HEXB: variants seen among roughly 807,000 people sequenced by gnomAD.
HEXB encodes hexosaminidase subunit beta.
HEXB carries 51 observed loss-of-function variants against 71.2 expected under a neutral mutation model. The ratio of observed to expected loss-of-function variants is 0.72; its 90% CI spans 0.57 to 0.90. The LOEUF is 0.90. Among genes scored for constraint, HEXB ranks in the 40% least tolerant of loss-of-function variants. HEXB has a pLI of 0.00. For synonymous variants in HEXB, 266 were observed against 249.3 expected (o/e 1.07, Z -0.63); for missense variants, 617 against 677.0 (o/e 0.91, Z 0.98).
intron 1 of HEXB, among the ~76,000 whole-genome samples, chr5:74,649,714 G>T (rs1484265084): frequency 6.6e-6 from 1 of 152,146 alleles, no homozygotes; most frequent in East Asian, 1.9e-4. Flanking sequence ...GACTAAAATG[G>T]TATAGTTGTG....
At chr5:74,664,063 C>G (rs1008271433) in intron 1 of HEXB, among the ~76,000 whole-genome samples, 4 of 152,188 alleles carry the variant, frequency 2.6e-5, no homozygotes, top group Middle Eastern at 3.4e-3. Context: ...TGTGACCAGG[C>G]TGACTAACAT....
In HEXB at chr5:74,686,627, A is replaced by G. The variant is rs565705626; in HGVS notation, c.299+1068A>G. ...TGGCAGAAATGGTTCATTCTCTACA[A>G]TCAGAAGGCTCATGGTTTCCTTCTG... is the stretch of plus-strand genomic sequence containing the variant. On this transcript the variant is annotated intron_variant, in intron 1 of 13. Coordinates refer to ENST00000261416, the MANE Select transcript of HEXB (RefSeq NM_000521.4). 2.0e-5 allele frequency among the ~76,000 whole-genome samples: 3 copies of G among 152,328 alleles called. No individual in the cohort carries two copies. In the South Asian group the frequency reaches 6.2e-4, roughly 32 times the overall value.
chr5:74,674,553 G>A (rs1748596682), intron 1 of HEXB, among the ~76,000 whole-genome samples: 1 of 146,874 alleles, frequency 6.8e-6, no homozygotes, highest in East Asian at 2.0e-4. Context: ...GCAGTGAGCT[G>A]AGATTGCGCC....
At chr5:74,717,958 C>T (rs958981269) in intron 9 of HEXB, among the ~76,000 whole-genome samples, 16 of 152,258 alleles carry the variant, frequency 1.1e-4, no homozygotes, top group African/African-American at 3.6e-4. Flanking sequence ...TTTAAGACAG[C>T]CATAAAATTG....
chr5:74,666,220 T>A (rs552658347), intron 1 of HEXB, among the ~76,000 whole-genome samples: 41 of 152,338 alleles, frequency 2.7e-4, no homozygotes, highest in African/African-American at 8.4e-4. Flanking sequence ...AAGGCAATGC[T>A]TGAGGAAGGC....
At chr5:74,685,669 T>C (rs1299977213) in intron 1 of HEXB, 110 bp downstream of exon 1, 4 of 994,914 alleles carry the variant, frequency 4.0e-6, no homozygotes, top group Non-Finnish European at 5.7e-6. Context: ...AGAAACCGCC[T>C]GGGAGCTGGC....
chr5:74,708,261 G>A (rs1335024428), intron 6 of HEXB, among the ~76,000 whole-genome samples: 1 of 151,774 alleles, frequency 6.6e-6, no homozygotes, highest in Non-Finnish European at 1.5e-5. Flanking sequence ...GTCACCACCA[G>A]GCCTGCCCTG....
In HEXB at chr5:74,720,611, G is replaced by A. The variant is rs778896811; in HGVS notation, c.1509-32G>A. On this transcript the variant is annotated intron_variant, in intron 12 of 13. Transcript: ENST00000261416. ...AAAGTGCTAAACATAAATTTAAACTGCTTGCGGGGGGATGTGTGATTTAAA... is the reference window on the plus strand; with the variant it reads ...AAAGTGCTAAACATAAATTTAAACTACTTGCGGGGGGATGTGTGATTTAAA... 12 of 1,603,232 alleles carry A rather than the reference G, an allele frequency of 7.5e-6. No individual in the cohort carries two copies. In the African/African-American group the frequency reaches 1.6e-4, roughly 21 times the overall value.
intron 3 of HEXB, 121 bp from the exon 4 acceptor site, chr5:74,696,572 G>T: frequency 3.1e-6 from 2 of 643,782 alleles, no homozygotes; most frequent in South Asian, 1.7e-5. Flanking sequence ...GAGGATAGAG[G>T]TATAACACTA....
chr5:74,649,796 C>G (rs902698312), intron 1 of HEXB, among the ~76,000 whole-genome samples: 3 of 152,172 alleles, frequency 2.0e-5, no homozygotes, highest in African/African-American at 7.2e-5. Context: ...TTCATTCTGG[C>G]ACACAGTACC....
intron 1 of HEXB, among the ~76,000 whole-genome samples, chr5:74,686,103 G>T (rs1748865440): frequency 6.6e-6 from 1 of 151,908 alleles, no homozygotes; most frequent in Non-Finnish European, 1.5e-5. Context: ...TATAAAATGT[G>T]ACATGTTTGC....
intron 2 of HEXB, among the ~76,000 whole-genome samples, chr5:74,690,093 G>C (rs1748963484): frequency 6.6e-6 from 1 of 152,076 alleles, no homozygotes; most frequent in African/African-American, 2.4e-5. Flanking sequence ...CTAGGGGAGA[G>C]GGTGGGTACA....
intron 6 of HEXB, among the ~76,000 whole-genome samples, chr5:74,707,494 C>A (rs545629012): frequency 7.9e-5 from 12 of 152,104 alleles, no homozygotes; most frequent in African/African-American, 2.9e-4. Context: ...AAACTACGAG[C>A]TACAGGAGGA....
At chr5:74,655,937 C>T (rs922301041) in intron 1 of HEXB, among the ~76,000 whole-genome samples, 1 of 152,000 alleles carries the variant, frequency 6.6e-6, no homozygotes, top group Non-Finnish European at 1.5e-5. Flanking sequence ...TGATGACAGT[C>T]ACATAAATAT....
rs115522085 is a variant in HEXB at position 74,641,459 on chromosome 5, C to A, written c.-377+901C>A. 6.6e-6 allele frequency: 1 copy of A among 152,310 alleles called. No individual in the cohort carries two copies. The highest frequency in any genetic ancestry group is 6.5e-5 in the Admixed American group (1 of 15,292). The allele number at this position is 152,310 out of a possible 1,614,324, so 9.4% of individuals were successfully genotyped here. ...CAGGCGACTGCAGGGGCAGCCGGGG[C>A]GCAGTCCTGCGGGGCGCGCACCACG... On this transcript the variant is annotated intron_variant, in intron 1 of 13. Coordinates refer to the HEXB transcript ENST00000511181. The surrounding 1 kb of genome is among the most constrained non-coding windows in gnomAD (Gnocchi z 4.1).
chr5:74,718,405 T>TA (rs1749728618), intron 10 of HEXB, 42 bp downstream of exon 10: 1 of 1,413,846 alleles, frequency 7.1e-7, no homozygotes, highest in African/African-American at 1.4e-5. Context: ...ATAAGAGACT[T>TA]AATTATTTTT....
At chr5:74,721,066 A>AATGAT in intron 13 of HEXB, 52 bp from the exon 14 acceptor site, 3 of 1,335,900 alleles carry the variant, frequency 2.2e-6, no homozygotes, top group Non-Finnish European at 3.2e-6. Flanking sequence ...TATCTTTATG[A>AATGAT]ATGATATCAA....
intron 1 of HEXB, among the ~76,000 whole-genome samples, chr5:74,659,117 GA>G (rs11351656): frequency 0.26 from 39,238 of 149,560 alleles, 5,437 homozygotes; most frequent in Admixed American, 0.37. Flanking sequence ...TTTAAAACTG[GA>G]AAAAAAAAAC....
chr5:74,683,841 A>G (rs1170903363), upstream of HEXB, among the ~76,000 whole-genome samples: 1 of 135,016 alleles, frequency 7.4e-6, no homozygotes, highest in East Asian at 2.2e-4. Flanking sequence ...TTTTTTTAAG[A>G]TGGAGTCTTG....
Sources: gnomAD v4.1 joint callset for allele counts (sites outside exome capture counted in the v4.1 genomes callset) on GRCh38, gnomAD v4.1.1 for gene constraint, Gnocchi (gnomAD v3.1) non-coding constraint, MANE v1.5 for transcripts, NCBI Gene and HGNC (gene_info 2026-07-23, HGNC 2026-07-21) for gene names.